Variants in EGF observed in about 807,000 individuals in gnomAD.
EGF encodes the protein epidermal growth factor, also known as pro-epidermal growth factor.
In EGF, 95 loss-of-function variants were observed where a neutral mutation model predicts 143.8. That is an observed-to-expected ratio of 0.66 (90% CI 0.56 to 0.78). The LOEUF is 0.78. Ranked by LOEUF, EGF falls within the 30% of genes least tolerant of loss-of-function variation. EGF has a pLI of 0.00. For missense variants in EGF, 1,320 were observed against 1,470.9 expected, an observed-to-expected ratio of 0.90 and a Z score of 1.68; for synonymous variants, 510 against 510.5, an observed-to-expected ratio of 1.00 and a Z score of 0.01.
chr4:109,923,038 G>A (rs1377041501), intron 1 of EGF, among the ~76,000 whole-genome samples: 1 of 151,368 alleles, frequency 6.6e-6, no homozygotes, highest in African/African-American at 2.5e-5. Flanking sequence ...TAACCAGCAG[G>A]TTCTTTGTGA....
At chr4:109,945,929 A>G (rs1318726265) in intron 5 of EGF, among the ~76,000 whole-genome samples, 2 of 152,128 alleles carry the variant, frequency 1.3e-5, no homozygotes, top group Admixed American at 6.5e-5. Context: ...GGGGGTACCT[A>G]TTGTCTTTGT....
chr4:109,961,091 G>C, intron 7 of EGF, 102 bp downstream of exon 7: 1 of 1,316,352 alleles, frequency 7.6e-7, no homozygotes. Context: ...TCAGCAGTGT[G>C]CATCATAATT....
At chr4:109,948,318 G>T (rs1743204456) in intron 5 of EGF, among the ~76,000 whole-genome samples, 1 of 152,156 alleles carries the variant, frequency 6.6e-6, no homozygotes, top group Admixed American at 6.5e-5. Context: ...GCCCATTATT[G>T]ATTAGGTTTA....
In EGF at chr4:109,993,369, G is replaced by C; in HGVS notation, c.2857G>C (p.Asp953His). 1 of 1,613,248 alleles carries C rather than the reference G, an allele frequency of 6.2e-7. No homozygotes were observed. The highest frequency in any genetic ancestry group is 8.5e-7 in the Non-Finnish European group (1 of 1,179,648). The change falls in exon 19 of 24, where the codon GAC (aspartate) becomes CAC (histidine). Residue 953 changes from aspartate (D) to histidine (H), a missense_variant and splice_region_variant. Coordinates refer to ENST00000265171, the MANE Select transcript of EGF (RefSeq NM_001963.6). ...GTCTGAACCAGGACTGATTTGCCCT[G>C]GTAGGTTGGTGGGTGGTCTACAGTG... ...RLSEPGLICP[D>H]STPPPHLRED...
intron 20 of EGF, among the ~76,000 whole-genome samples, chr4:109,996,788 T>C (rs1751850982): frequency 6.6e-6 from 1 of 152,166 alleles, no homozygotes; most frequent in African/African-American, 2.4e-5. Flanking sequence ...GCCCAAGGTA[T>C]TCCTCGAAGA....
At position 109,993,335 on chromosome 4, in the gene EGF, T is replaced by A. The variant is rs1213571805; in HGVS notation, c.2823T>A (p.Ala941=). 1.2e-6 allele frequency: 2 copies of A among 1,613,786 alleles called. No individual in the cohort carries two copies. Among genetic ancestry groups the A allele is most frequent in the Non-Finnish European group, 1.7e-6 (2 of 1,179,902 alleles). ...AGGGAGGCTATACCTGCATGTGTGC[T>A]GGACGCCTGTCTGAACCAGGACTGA... ...NTEGGYTCMC[A]GRLSEPGLIC... Residue 941 remains alanine (A), a synonymous_variant, in exon 19 of 24, where the codon GCT becomes GCA. Coordinates refer to ENST00000265171, the MANE Select transcript of EGF (RefSeq NM_001963.6).
At chr4:109,987,627 A>T (rs1377262319) in intron 16 of EGF, 117 bp from the exon 17 acceptor site, 2 of 847,176 alleles carry the variant, frequency 2.4e-6, no homozygotes, top group Non-Finnish European at 4.1e-6. Context: ...TTGGAGGTTA[A>T]CCTGTCCCAG....
rs370800724 is a variant in EGF at position 109,968,968 on chromosome 4, T to C, written c.1576-3T>C. On this transcript the variant is annotated splice_polypyrimidine_tract_variant and splice_region_variant and intron_variant, in intron 10 of 23. Coordinates refer to ENST00000265171, the MANE Select transcript of EGF (RefSeq NM_001963.6). ...TCAGAAATGCCTGTGTTCTCTTTTG[T>C]AGATATACTTTGCCCATACAGCCCT... The C allele has an allele frequency of 6.2e-7, 1 of 1,614,016 alleles. No individual in the cohort carries two copies. Among genetic ancestry groups the C allele is most frequent in the African/African-American group, 1.3e-5 (1 of 74,918 alleles).
At chr4:109,927,632 G>C (rs1215477500) in intron 1 of EGF, among the ~76,000 whole-genome samples, 1 of 151,388 alleles carries the variant, frequency 6.6e-6, no homozygotes, top group Non-Finnish European at 1.5e-5. Context: ...GCTGAGGCAG[G>C]AGAATAGCGC....
In EGF at chr4:109,974,675, A is replaced by G. The variant is rs1270254010; in HGVS notation, c.1725-28A>G. Reference sequence around the variant, plus strand: ...GTTTGAAAAGTAAAGGTGTTATAACAAACTCCCTTATTTTGCACATATTTT... The same window carrying G: ...GTTTGAAAAGTAAAGGTGTTATAACGAACTCCCTTATTTTGCACATATTTT... On this transcript the variant is annotated intron_variant, in intron 11 of 23. Transcript: ENST00000265171. 3 of 1,548,438 alleles carry G rather than the reference A, an allele frequency of 1.9e-6. No homozygotes were observed. The Admixed American group carries it at 5.0e-5, about 26-fold the overall frequency.
At chr4:109,917,047 A>G (rs1736782372) in intron 1 of EGF, among the ~76,000 whole-genome samples, 2 of 152,178 alleles carry the variant, frequency 1.3e-5, no homozygotes, top group South Asian at 2.1e-4. Context: ...ACTGATAAAA[A>G]ATTTCATTCA....
intron 10 of EGF, among the ~76,000 whole-genome samples, chr4:109,968,366 T>C (rs1259884103): frequency 1.3e-5 from 2 of 152,158 alleles, no homozygotes; most frequent in Non-Finnish European, 2.9e-5. Context: ...AGTTTTGACC[T>C]GCAGTGACTA....
intron 18 of EGF, among the ~76,000 whole-genome samples, chr4:109,991,213 A>G (rs780190921): frequency 7.3e-6 from 1 of 136,794 alleles, no homozygotes; most frequent in Admixed American, 7.1e-5. Flanking sequence ...AAATATTAAC[A>G]TTTTAATATC....
intron 13 of EGF, 129 bp from the exon 14 acceptor site, chr4:109,979,834 GGCTCACTCA>G: frequency 1.1e-6 from 1 of 950,086 alleles, no homozygotes; most frequent in Admixed American, 2.1e-5. Flanking sequence ...GTGAGTCGGT[GGCTCACTCA>G]TAACTTGCTG....
In EGF at chr4:110,012,729, T is replaced by A. The variant is rs780372674; in HGVS notation, c.*1274T>A. On this transcript the variant is annotated 3_prime_UTR_variant, in exon 24 of 24. Coordinates refer to ENST00000265171, the MANE Select transcript of EGF (RefSeq NM_001963.6). ...CCCAGCCTTGTAACTTTTAAAAAAA[T>A]TTTTTAATCTACAACTCTGTAGATT... Among the ~76,000 whole-genome samples the A allele has an allele frequency of 5.3e-5, 8 of 152,102 alleles. No homozygotes were observed. The highest frequency in any genetic ancestry group is 3.2e-3 in the Middle Eastern group (1 of 316).
Position 109,939,981 on chromosome 4 carries a change from C to T in EGF, c.128-965C>T, listed in dbSNP as rs185319642. Among the ~76,000 whole-genome samples, 249 of 152,158 alleles carry T rather than the reference C, an allele frequency of 1.6e-3. 2 individuals are homozygous for T. The highest frequency in any genetic ancestry group is 2.8e-3 in the Non-Finnish European group (188 of 68,010). ...CTCACACTTGGTCAAGAGAGAGAGA[C>T]CAAGAAAACTAACTTGACTTGATGT... On this transcript the variant is annotated intron_variant, in intron 1 of 23. Transcript: ENST00000265171.
chr4:109,974,395 G>C (rs928349171), intron 11 of EGF, among the ~76,000 whole-genome samples: 3 of 152,180 alleles, frequency 2.0e-5, no homozygotes, highest in African/African-American at 7.2e-5. Flanking sequence ...AAGTTATAAA[G>C]AGAATGTCCT....
chr4:109,994,717 T>G lies in EGF; in HGVS notation c.2858-16T>G, dbSNP rs751840108. 6.2e-7 allele frequency: 1 copy of G among 1,613,570 alleles called. No individual in the cohort carries two copies. Among genetic ancestry groups the G allele is most frequent in the Admixed American group, 1.7e-5 (1 of 60,020 alleles). On this transcript the variant is annotated splice_polypyrimidine_tract_variant and intron_variant, in intron 19 of 23. Coordinates refer to ENST00000265171, the MANE Select transcript of EGF (RefSeq NM_001963.6). ...ATCCATTCAGAAAGTAAAAGTAATG[T>G]CTTGGGTTCTTTTAGACTCTACTCC...
intron 21 of EGF, chr4:110,001,565 C>A (rs532210704): frequency 3.1e-6 from 3 of 964,894 alleles, no homozygotes; most frequent in East Asian, 1.1e-4. Context: ...TAAGTTCATG[C>A]GTGCCATAAT....
Sources: allele counts gnomAD v4.1 joint callset (sites outside exome capture counted in the v4.1 genomes callset), GRCh38; gene constraint gnomAD v4.1.1; transcripts MANE v1.5; gene names NCBI Gene and HGNC (gene_info 2026-07-23, HGNC 2026-07-21).